SLC25A26: variants seen among roughly 807,000 people sequenced by gnomAD.
SLC25A26 encodes mitochondrial S-adenosylmethionine carrier protein.
Under a neutral mutation model 37.8 loss-of-function variants are expected in SLC25A26, and 36 were observed. The observed-to-expected ratio is 0.95, with a 90% CI of 0.73 to 1.26. The LOEUF is 1.26. SLC25A26 is among the 50% of genes most tolerant of loss of function. SLC25A26 has a pLI of 0.00. For missense variants in SLC25A26, 390 were observed against 331.1 expected, an observed-to-expected ratio of 1.18 and a Z score of -1.38; for synonymous variants, 129 against 122.5, an observed-to-expected ratio of 1.05 and a Z score of -0.35.
intron 1 of SLC25A26, among the ~76,000 whole-genome samples, chr3:66,184,619 C>CACCTTGAGTTTACTATGTATTACATGCTT (rs2070787860): frequency 1.3e-5 from 2 of 152,340 alleles, no homozygotes; most frequent in East Asian, 1.9e-4. Context: ...ATTACATGCT[C>CACCTTGAGTTTACTATGTATTACATGCTT]AACCAAATCC....
In SLC25A26 at chr3:66,236,580, T is replaced by TA; in HGVS notation, c.70_71insA (p.Leu24TyrfsTer8). On this transcript the variant is annotated frameshift_variant, in exon 2 of 10. Transcript: ENST00000354883. LOFTEE classifies it high-confidence loss of function. ...AGCAGGTGTTTCTGTTGACTTGATA[T>TA]TATTTCCTCTGGATACCATTAAAAC... is the stretch of plus-strand genomic sequence containing the variant. 6.7e-7 allele frequency: 1 copy of TA among 1,495,938 alleles called. No individual in the cohort carries two copies. The highest frequency in any genetic ancestry group is 8.9e-7 in the Non-Finnish European group (1 of 1,119,018). The allele number at this position is 1,495,938 out of a possible 1,614,324, so 92.7% of individuals were successfully genotyped here. A position where few individuals can be genotyped will look rare whatever the true frequency, so the allele number is the denominator to read the frequency against.
At chr3:66,240,479 A>T (rs1009021204) in intron 2 of SLC25A26, among the ~76,000 whole-genome samples, 5 of 151,902 alleles carry the variant, frequency 3.3e-5, no homozygotes, top group African/African-American at 1.2e-4. Flanking sequence ...GTAGAGATGG[A>T]CTTTCTCCAT....
chr3:66,373,377 C>T (rs1700458215), intron 9 of SLC25A26, among the ~76,000 whole-genome samples: 1 of 152,202 alleles, frequency 6.6e-6, no homozygotes, highest in Non-Finnish European at 1.5e-5. Context: ...TTAATAGATT[C>T]AGTGGTCATC....
At chr3:66,220,915 C>T, upstream of SLC25A26, 1 of 689,084 alleles carries the variant, frequency 1.5e-6, no homozygotes, top group Non-Finnish European at 2.5e-6. Context: ...CGCCCCTCCT[C>T]TCTGGCCCTC....
chr3:66,255,065 A>G (rs2073247418), intron 3 of SLC25A26, among the ~76,000 whole-genome samples: 1 of 152,212 alleles, frequency 6.6e-6, no homozygotes, highest in Non-Finnish European at 1.5e-5. Flanking sequence ...TCCACTCAGT[A>G]CCTAAAGTGA....
At chr3:66,365,601 G>A (rs557011277) in intron 7 of SLC25A26, among the ~76,000 whole-genome samples, 59 of 152,254 alleles carry the variant, frequency 3.9e-4, no homozygotes, top group African/African-American at 1.3e-3. Flanking sequence ...CATTCTCTAG[G>A]AGAGAAGAGG....
intron 3 of SLC25A26, among the ~76,000 whole-genome samples, chr3:66,252,299 A>G (rs2073115593): frequency 6.6e-6 from 1 of 152,222 alleles, no homozygotes; most frequent in African/African-American, 2.4e-5. Context: ...TGTATAGCTA[A>G]TACTATTAAT....
chr3:66,296,911 C>G (rs1392760235), intron 5 of SLC25A26, among the ~76,000 whole-genome samples: 3 of 152,216 alleles, frequency 2.0e-5, no homozygotes, highest in Non-Finnish European at 4.4e-5. Context: ...GAACAGAAGG[C>G]TTGACTGGCG....
chr3:66,288,031 G>T (rs2074572988), intron 5 of SLC25A26, among the ~76,000 whole-genome samples: 1 of 152,184 alleles, frequency 6.6e-6, no homozygotes, highest in Non-Finnish European at 1.5e-5. Context: ...AGGGTACAGA[G>T]GTGTAGAATT....
chr3:66,286,473 C>T (rs1043384714), intron 5 of SLC25A26, among the ~76,000 whole-genome samples: 10 of 151,422 alleles, frequency 6.6e-5, no homozygotes, highest in African/African-American at 2.2e-4. Flanking sequence ...CACTGAAATG[C>T]TTTTGCATCT....
intron 2 of SLC25A26, among the ~76,000 whole-genome samples, chr3:66,236,949 G>C (rs2072320551): frequency 6.6e-6 from 1 of 152,102 alleles, no homozygotes; most frequent in Non-Finnish European, 1.5e-5. Flanking sequence ...AAATCCTCTT[G>C]CCTCAGCCCC....
chr3:66,292,410 T>C (rs1221461473), intron 5 of SLC25A26, among the ~76,000 whole-genome samples: 2 of 152,164 alleles, frequency 1.3e-5, no homozygotes, highest in Admixed American at 6.5e-5. Flanking sequence ...CTTTACAATT[T>C]GGTATGTTTT....
At chr3:66,300,904 C>T (rs896213104) in intron 5 of SLC25A26, among the ~76,000 whole-genome samples, 2 of 152,142 alleles carry the variant, frequency 1.3e-5, no homozygotes, top group African/African-American at 4.8e-5. Flanking sequence ...TTTTTTCCAA[C>T]ACAATTTAAA....
rs139553121 is a variant in SLC25A26 at position 66,158,073 on chromosome 3, T to C, written c.-354+24089T>C. ...TTGGTTGCAGAGAGTACCCCTTGAA[T>C]GTGGAAGGTGAGAGCAAACTATTAA... On this transcript the variant is annotated intron_variant, in intron 1 of 10. Coordinates refer to the SLC25A26 transcript ENST00000676754. Among the ~76,000 whole-genome samples the C allele has an allele frequency of 8.7e-3, 1,331 of 152,308 alleles. 19 individuals carry two copies. Among genetic ancestry groups the C allele is most frequent in the African/African-American group, 0.03 (1,253 of 41,562 alleles).
intron 5 of SLC25A26, among the ~76,000 whole-genome samples, chr3:66,295,839 G>T (rs1285309427): frequency 6.6e-6 from 1 of 151,810 alleles, no homozygotes; most frequent in Non-Finnish European, 1.5e-5. Flanking sequence ...TCCATTTCTT[G>T]TCTGGGCACG....
intron 3 of SLC25A26, among the ~76,000 whole-genome samples, chr3:66,247,007 A>G (rs1469247369): frequency 6.6e-6 from 1 of 151,184 alleles, no homozygotes; most frequent in Admixed American, 6.6e-5. Context: ...GACTACAGGC[A>G]CCCGCCACCA....
At chr3:66,287,247 G>C (rs1305613836) in intron 5 of SLC25A26, among the ~76,000 whole-genome samples, 1 of 149,270 alleles carries the variant, frequency 6.7e-6, no homozygotes, top group Non-Finnish European at 1.5e-5. Flanking sequence ...AGTTAGCCCA[G>C]ATCACGCCAT....
chr3:66,215,711 A>T (rs2106846422), intron 1 of SLC25A26, among the ~76,000 whole-genome samples: 1 of 152,332 alleles, frequency 6.6e-6, no homozygotes, highest in African/African-American at 2.4e-5. Flanking sequence ...CTTTTCAAAC[A>T]GGCCTTTAAA....
rs1234474482 is a variant in SLC25A26, at chr3:66,243,258, A to G, written c.246A>G (p.Ser82=). The change falls in exon 3 of 10, where the codon TCA becomes TCG. Residue 82 remains serine, a synonymous_variant. Coordinates refer to ENST00000354883, the MANE Select transcript of SLC25A26 (RefSeq NM_001379210.1). ...TGAAGTGGTTTTTGCATGCTGATTC[A>G]TCTTCATATTTGACACCTATGAAAC... is the stretch of plus-strand genomic sequence containing the variant. ...EYVKWFLHAD[S]SSYLTPMKHM... is the part of the protein sequence containing the mutation. 3 of 1,610,214 alleles carry G rather than the reference A, an allele frequency of 1.9e-6. No individual in the cohort carries two copies. The highest frequency in any genetic ancestry group is 2.5e-6 in the Non-Finnish European group (3 of 1,177,730).
Sources: gnomAD v4.1 joint callset for allele counts (sites outside exome capture counted in the v4.1 genomes callset) on GRCh38, gnomAD v4.1.1 for gene constraint, MANE v1.5 for transcripts, NCBI Gene and HGNC (gene_info 2026-07-23, HGNC 2026-07-21) for gene names.